The following ZNF385B variants were observed in gnomAD, a reference collection of about 807,000 sequenced individuals.
ZNF385B encodes the protein zinc finger protein 385B.
In ZNF385B, 23 loss-of-function variants were observed where a neutral mutation model predicts 39.2. The ratio of observed to expected loss-of-function variants is 0.59; its 90% CI spans 0.42 to 0.83. The LOEUF (loss-of-function observed/expected upper bound fraction) is 0.83. Among genes scored for constraint, ZNF385B ranks in the 40% least tolerant of loss-of-function variants. The pLI, the probability that ZNF385B is intolerant of heterozygous loss-of-function variation, is 0.00. For missense variants in ZNF385B, 552 were observed against 598.9 expected, an observed-to-expected ratio of 0.92 and a Z score of 0.82; for synonymous variants, 205 against 222.6, an observed-to-expected ratio of 0.92 and a Z score of 0.70.
At chr2:179,815,321 C>T (rs189844984) in intron 1 of ZNF385B, among the ~76,000 whole-genome samples, 160 of 152,290 alleles carry the variant, frequency 1.1e-3, no homozygotes, top group African/African-American at 3.6e-3. Flanking sequence ...GATTTATATG[C>T]AGGTAATGGG....
At chr2:179,644,296 GC>G (rs1241642916) in intron 3 of ZNF385B, among the ~76,000 whole-genome samples, 2 of 152,006 alleles carry the variant, frequency 1.3e-5, no homozygotes, top group African/African-American at 4.8e-5. Context: ...GCTATCTTCA[GC>G]CCCTTGCCAA....
chr2:179,486,429 C>T (rs529138035), intron 5 of ZNF385B, among the ~76,000 whole-genome samples: 4 of 152,244 alleles, frequency 2.6e-5, no homozygotes, highest in South Asian at 4.1e-4. Flanking sequence ...TATACATATA[C>T]ATACCTACAC....
chr2:179,736,632 G>C (rs549867617), intron 3 of ZNF385B, among the ~76,000 whole-genome samples: 17 of 152,210 alleles, frequency 1.1e-4, no homozygotes, highest in Admixed American at 7.2e-4. Flanking sequence ...CATCATTCCA[G>C]ACTTCTTTAA....
In ZNF385B at chr2:179,772,896, C is replaced by T. The variant is rs182602798; in HGVS notation, c.-154-2224G>A. ...GGACAACTGAACCAAAAACTCTATG[C>T]TTTTTTTTGTATTATTTTACCAGAT... is the stretch of plus-strand genomic sequence containing the variant. On this transcript the variant is annotated intron_variant, in intron 1 of 9. Transcript: ENST00000410066. 6.6e-5 allele frequency among the ~76,000 whole-genome samples: 10 copies of T among 152,056 alleles called. No homozygotes were observed. In the East Asian group the frequency reaches 1.9e-3, roughly 29 times the overall value.
chr2:179,643,500 T>A (rs1554102), intron 3 of ZNF385B, among the ~76,000 whole-genome samples: 2 of 152,108 alleles, frequency 1.3e-5, no homozygotes, highest in Non-Finnish European at 2.9e-5. Flanking sequence ...TTCCACTGTG[T>A]TATCAAATGG....
intron 4 of ZNF385B, among the ~76,000 whole-genome samples, chr2:179,536,681 G>C (rs1171576863): frequency 6.6e-6 from 1 of 152,088 alleles, no homozygotes; most frequent in Non-Finnish European, 1.5e-5. Context: ...ATTTCTATTA[G>C]ACAGAGAGCA....
intron 3 of ZNF385B, among the ~76,000 whole-genome samples, chr2:179,743,617 T>A (rs1014899194): frequency 2.0e-5 from 3 of 152,064 alleles, no homozygotes. Flanking sequence ...AGCACAAAAA[T>A]AAATACTCCA....
intron 3 of ZNF385B, among the ~76,000 whole-genome samples, chr2:179,757,376 G>C (rs981535530): frequency 2.6e-5 from 4 of 152,194 alleles, no homozygotes; most frequent in Non-Finnish European, 5.9e-5. Flanking sequence ...TGCCCCTACT[G>C]GGGGGTGCCT....
chr2:179,713,625 T>G (rs916667854), intron 3 of ZNF385B, among the ~76,000 whole-genome samples: 1 of 152,208 alleles, frequency 6.6e-6, no homozygotes, highest in Non-Finnish European at 1.5e-5. Context: ...CACTGTAAGC[T>G]CCATCAGGGC....
chr2:179,493,758 TATATGTATACATATATGTATATACAC>T (rs769509937), intron 5 of ZNF385B, among the ~76,000 whole-genome samples: 21,862 of 124,894 alleles, frequency 0.18, 2,875 homozygotes, highest in Middle Eastern at 0.27. Flanking sequence ...TGTATATACA[TATATGTATACATATATGTATATACAC>T]ATATGTATAC....
At chr2:179,515,459 G>T (rs2058024742) in intron 5 of ZNF385B, among the ~76,000 whole-genome samples, 1 of 152,120 alleles carries the variant, frequency 6.6e-6, no homozygotes, top group Non-Finnish European at 1.5e-5. Context: ...ATGTCTTTAG[G>T]TGGGCATTTG....
At chr2:179,523,367 T>TTA (rs2058647956) in intron 4 of ZNF385B, among the ~76,000 whole-genome samples, 1 of 150,370 alleles carries the variant, frequency 6.7e-6, no homozygotes, top group Admixed American at 6.7e-5. Flanking sequence ...TTTTTTTTTT[T>TTA]AAAGAGCATT....
Position 179,836,513 on chromosome 2 carries a change from C to CT in ZNF385B, c.-155+24587dup, listed in dbSNP as rs755278598. Reference sequence around the variant, plus strand: ...ATCTGAATCAAGGTTCTTGCGTTTTCTTTTTTTTTTTTTTTTGAGACGGAG... The same window carrying CT: ...ATCTGAATCAAGGTTCTTGCGTTTTCTTTTTTTTTTTTTTTTTGAGACGGAG... On this transcript the variant is annotated intron_variant, in intron 1 of 9. Transcript: ENST00000410066. Among the ~76,000 whole-genome samples, 1,064 of 124,154 alleles carry CT rather than the reference C, an allele frequency of 8.6e-3. 32 individuals carry two copies. The highest frequency in any genetic ancestry group is 0.019 in the Middle Eastern group (4 of 212). 81.4% of individuals were successfully genotyped at this position (124,154 alleles called of 152,430 possible).
At chr2:179,493,775 GTA>G (rs769468601) in intron 5 of ZNF385B, among the ~76,000 whole-genome samples, 1 of 77,792 alleles carries the variant, frequency 1.3e-5, no homozygotes, top group Non-Finnish European at 3.2e-5. Flanking sequence ...ATACATATAT[GTA>G]TATACACATA....
intron 6 of ZNF385B, among the ~76,000 whole-genome samples, chr2:179,455,741 A>G (rs1239975000): frequency 1.3e-5 from 2 of 151,960 alleles, no homozygotes; most frequent in African/African-American, 4.8e-5. Flanking sequence ...TACAAAAAAA[A>G]ATTAGCTAGG....
intron 3 of ZNF385B, among the ~76,000 whole-genome samples, chr2:179,690,292 G>C (rs932116): frequency 0.95 from 144,054 of 152,194 alleles, 68,198 homozygotes; most frequent in East Asian, 1. Flanking sequence ...ATGTGAACTC[G>C]GAGCTAGCTT....
chr2:179,622,721 A>T (rs529717035), intron 3 of ZNF385B, among the ~76,000 whole-genome samples: 1 of 152,320 alleles, frequency 6.6e-6, no homozygotes, highest in South Asian at 2.1e-4. Flanking sequence ...TACAACTATC[A>T]CATTGGAGTG....
intron 1 of ZNF385B, among the ~76,000 whole-genome samples, chr2:179,848,854 G>A (rs1349118879): frequency 6.6e-6 from 1 of 152,186 alleles, no homozygotes; most frequent in Non-Finnish European, 1.5e-5. Flanking sequence ...GGACTTGGGT[G>A]TCGGTCTCTT....
intron 1 of ZNF385B, among the ~76,000 whole-genome samples, chr2:179,776,437 A>G (rs938960830): frequency 1.3e-5 from 2 of 152,164 alleles, no homozygotes; most frequent in African/African-American, 4.8e-5. Context: ...GCACAATACA[A>G]AACACCTAAG....
Sources: allele counts gnomAD v4.1 joint callset (sites outside exome capture counted in the v4.1 genomes callset), GRCh38; gene constraint gnomAD v4.1.1; transcripts MANE v1.5; gene names NCBI Gene and HGNC (gene_info 2026-07-23, HGNC 2026-07-21).